Variants in GDF1 observed in about 807,000 individuals in gnomAD.
The protein encoded by GDF1 is growth differentiation factor 1.
GDF1 carries 8 observed loss-of-function variants against 7.4 expected under a neutral mutation model. That is an observed-to-expected ratio of 1.09 (90% CI 0.64 to 1.96). GDF1 has a LOEUF of 1.96. Ranked by LOEUF, GDF1 falls within the 30% of genes most tolerant of loss-of-function variation. GDF1 has a pLI of 0.00. For synonymous variants in GDF1, 311 were observed against 276.7 expected (o/e 1.12, Z -1.23); for missense variants, 574 against 551.5 (o/e 1.04, Z -0.41).
chr19:18,868,777 C>T lies in GDF1; in HGVS notation c.939G>A (p.Pro313=). The change falls in exon 8 of 8, where the codon CCG becomes CCA. Residue 313 remains proline, a synonymous_variant. Transcript: ENST00000247005. ...CGCGCAGCACAGCGTGGTTGAGCGC[C>T]GGCGGCCCCCCGGACCCCGACAGCG... ...PVALSGSGGP[P]ALNHAVLRAL... The T allele has an allele frequency of 6.8e-7, 1 of 1,468,258 alleles. No homozygotes were observed. The highest frequency in any genetic ancestry group is 1.2e-5 in the South Asian group (1 of 80,188). The allele number at this position is 1,468,258 out of a possible 1,614,324, so 91.0% of individuals were successfully genotyped here. A position where few individuals can be genotyped will look rare whatever the true frequency, so the allele number is the denominator to read the frequency against.
In GDF1 at chr19:18,884,232, C is replaced by T; in HGVS notation, c.-878G>A. On this transcript the variant is annotated 5_prime_UTR_variant, in exon 3 of 8. Transcript: ENST00000247005. Reference sequence around the variant, plus strand: ...CTTCCCTGGAGCAGGTAGGCGGCTGCAATGTCCCGTGGCACTGCCATGCCC... The same window carrying T: ...CTTCCCTGGAGCAGGTAGGCGGCTGTAATGTCCCGTGGCACTGCCATGCCC... 1 of 1,613,310 alleles carries T rather than the reference C, an allele frequency of 6.2e-7. No homozygotes were observed. Among genetic ancestry groups the T allele is most frequent in the East Asian group, 2.2e-5 (1 of 44,856 alleles).
At chr19:18,880,501 G>A (rs1234588575) in intron 3 of GDF1, 66 bp from the exon 4 acceptor site, 8 of 1,446,526 alleles carry the variant, frequency 5.5e-6, no homozygotes, top group Non-Finnish European at 7.4e-6. Flanking sequence ...CTGCACTAAG[G>A]CCCCCAGCAG....
At position 18,870,893 on chromosome 19, in the gene GDF1, C is replaced by T. The variant is rs892732129; in HGVS notation, c.-312-274G>A. ...TCTCCAATTAAACCTTCCTCTTCCC[C>T]TCCTCCCTGCCTCTCCAGGCCGCTG... On this transcript the variant is annotated intron_variant, in intron 6 of 7. Transcript: ENST00000247005. The surrounding 1 kb of genome is among the most constrained non-coding windows in gnomAD (Gnocchi z 5.1). Among the ~76,000 whole-genome samples the T allele has an allele frequency of 3.3e-5, 5 of 152,096 alleles. No homozygotes were observed. The highest frequency in any genetic ancestry group is 1.2e-4 in the African/African-American group (5 of 41,414).
rs2056136760 is a variant in GDF1 at position 18,879,358 on chromosome 19, G to A, written c.-540C>T. ...AGTGACTGGTGGCATACAGGACCTT[G>A]AGCGGGAACCAGTAGAGGCGGAACC... is the stretch of plus-strand genomic sequence containing the variant. On this transcript the variant is annotated 5_prime_UTR_variant, in exon 5 of 8. Coordinates refer to ENST00000247005, the MANE Select transcript of GDF1 (RefSeq NM_001492.6). 2 of 1,588,192 alleles carry A rather than the reference G, an allele frequency of 1.3e-6. No individual in the cohort carries two copies. Among genetic ancestry groups the A allele is most frequent in the East Asian group, 2.3e-5 (1 of 43,520 alleles).
chr19:18,870,031 C>A lies in GDF1; in HGVS notation c.277G>T (p.Glu93Ter). 6.3e-7 allele frequency: 1 copy of A among 1,596,884 alleles called. No individual in the cohort carries two copies. The highest frequency in any genetic ancestry group is 2.3e-5 in the East Asian group (1 of 43,968). ...PGVTLQPCHV[E>*]ELGVAGNIVR... The stretch of plus-strand genomic sequence containing the variant: ...ATGTTTCCGGCGACCCCCAGCTCCT[C>A]CACGTGGCACGGTTGCAGGGTGACC... The change falls in exon 7 of 8, where the codon GAG becomes TAG. Residue 93 changes from glutamate to a stop codon, truncating the protein, a stop_gained. Transcript: ENST00000247005. LOFTEE classifies it low-confidence loss of function (END_TRUNC). The surrounding 1 kb of genome is among the most constrained non-coding windows in gnomAD (Gnocchi z 5.1).
intron 2 of GDF1, among the ~76,000 whole-genome samples, chr19:18,890,491 A>G (rs1008765911): frequency 2.0e-5 from 3 of 152,152 alleles, no homozygotes; most frequent in African/African-American, 7.2e-5. Flanking sequence ...ACAAAAAGCA[A>G]CTAAGGCTGG....
Position 18,868,875 on chromosome 19 carries a change from A to C in GDF1, c.841T>G (p.Trp281Gly). 7 of 1,435,862 alleles carry C rather than the reference A, an allele frequency of 4.9e-6. No homozygotes were observed. The highest frequency in any genetic ancestry group is 6.4e-6 in the Non-Finnish European group (7 of 1,087,300). 88.9% of individuals were successfully genotyped at this position (1,435,862 alleles called of 1,614,324 possible). ...CGCGGCGCGATGACCCAGCGGTGCC[A>C]GCCCACCTCGCGGAAGCTCACGTAC... ...RLYVSFREVG[W>G]HRWVIAPRGF... is the part of the protein sequence containing the mutation. Residue 281 changes from tryptophan to glycine, a missense_variant, in exon 8 of 8, where the codon TGG becomes GGG. Physicochemically the swap from Trp to Gly is radical, Grantham distance 184 (BLOSUM62 -2). Coordinates refer to ENST00000247005, the MANE Select transcript of GDF1 (RefSeq NM_001492.6).
At chr19:18,886,485 A>G (rs1371104099) in intron 2 of GDF1, among the ~76,000 whole-genome samples, 20 of 152,048 alleles carry the variant, frequency 1.3e-4, no homozygotes, top group Admixed American at 6.6e-5. Flanking sequence ...GAAGGGAGGC[A>G]GAGGTGGTGG....
intron 7 of GDF1, among the ~76,000 whole-genome samples, chr19:18,869,613 G>A (rs1275171584): frequency 6.6e-6 from 1 of 151,188 alleles, no homozygotes; most frequent in East Asian, 2.0e-4. Context: ...CCTCGGCGGG[G>A]GGCATAGGAG....
rs968691003 is a variant in GDF1, at chr19:18,896,080, G to A, written c.-1330C>T. ...GGGCCCCGCCGCCGCCATACCGCCC[G>A]CTCGCCCGCCGTGCCCGTCGCCTGC... On this transcript the variant is annotated 5_prime_UTR_variant, in exon 1 of 8. Coordinates refer to ENST00000247005, the MANE Select transcript of GDF1 (RefSeq NM_001492.6). This position sits in a 1 kb window ranked among gnomAD's most constrained non-coding sequence, Gnocchi z 5.9. 10 of 955,930 alleles carry A rather than the reference G, an allele frequency of 1.0e-5. No homozygotes were observed. The highest frequency in any genetic ancestry group is 1.1e-5 in the Non-Finnish European group (9 of 805,506). 59.2% of individuals were successfully genotyped at this position (955,930 alleles called of 1,614,324 possible). A position where few individuals can be genotyped will look rare whatever the true frequency, so the allele number is the denominator to read the frequency against.
At chr19:18,877,996 G>T (rs569295030) in intron 6 of GDF1, 72 of 985,366 alleles carry the variant, frequency 7.3e-5, no homozygotes, top group Middle Eastern at 5.2e-4. Flanking sequence ...AGGGTGGGGG[G>T]TCTGACGCTC....
At chr19:18,875,234 T>TAAAA (rs869211539) in intron 6 of GDF1, among the ~76,000 whole-genome samples, 9 of 122,266 alleles carry the variant, frequency 7.4e-5, no homozygotes, top group African/African-American at 2.8e-4. Flanking sequence ...GGACCGTCTC[T>TAAAA]AAAAAAAAAA....
At position 18,869,302 on chromosome 19, in the gene GDF1, G is replaced by A. The variant is rs1047993053; in HGVS notation, c.414C>T (p.Pro138=). 3.4e-5 allele frequency: 51 copies of A among 1,516,458 alleles called. No homozygotes were observed. Among genetic ancestry groups the A allele is most frequent in the African/African-American group, 1.4e-4 (10 of 70,108 alleles). 93.9% of individuals were successfully genotyped at this position (1,516,458 alleles called of 1,614,324 possible). A position where few individuals can be genotyped will look rare whatever the true frequency, so the allele number is the denominator to read the frequency against. ...GGCGGGCCCGGCTCGGGCGCTCAGC[G>A]GGTTCCACAGCCGACAGGTCGAAGA... The part of the protein sequence containing the change: ...TVVFDLSAVE[P]AERPSRARLE... Residue 138 remains proline (P), a synonymous_variant, in exon 8 of 8, where the codon CCC becomes CCT. Transcript: ENST00000247005.
intron 4 of GDF1, among the ~76,000 whole-genome samples, chr19:18,879,641 T>TCCTCCCCTTCCCAGTC (rs2056148962): frequency 4.9e-5 from 1 of 20,546 alleles, no homozygotes; most frequent in East Asian, 1.3e-3. Context: ...AGGCCCCACC[T>TCCTCCCCTTCCCAGTC]CCTCCCCTTC....
At chr19:18,869,845 G>A in intron 7 of GDF1, 138 bp downstream of exon 7, 1 of 792,690 alleles carries the variant, frequency 1.3e-6, no homozygotes, top group Non-Finnish European at 2.1e-6. Context: ...GTGAGGTGCG[G>A]TGGCCGAAGT....
In GDF1 at chr19:18,869,387, G is replaced by C. The variant is rs766202026; in HGVS notation, c.329C>G (p.Ala110Gly). 6.5e-7 allele frequency: 1 copy of C among 1,527,878 alleles called. No individual in the cohort carries two copies. Among genetic ancestry groups the C allele is most frequent in the Non-Finnish European group, 8.7e-7 (1 of 1,143,992 alleles). The allele number at this position is 1,527,878 out of a possible 1,614,324, so 94.6% of individuals were successfully genotyped here. A position where few individuals can be genotyped will look rare whatever the true frequency, so the allele number is the denominator to read the frequency against. Residue 110 changes from alanine (A) to glycine (G), a missense_variant, in exon 8 of 8, where the codon GCG (alanine) becomes GGG (glycine). Ala to Gly is a moderately conservative substitution (Grantham distance 60). Transcript: ENST00000247005. ...GGCAGGCTCCGAGGCCCGGGTGGGC[G>C]CACCTGGGGAGGTAGGAACAGGAAC... is the stretch of plus-strand genomic sequence containing the variant. Reference protein sequence around the residue: ...NIVRHIPDRGAPTRASEPASA... With the variant: ...NIVRHIPDRGGPTRASEPASA...
chr19:18,872,586 G>C (rs1156737709), intron 6 of GDF1, among the ~76,000 whole-genome samples: 1 of 152,034 alleles, frequency 6.6e-6, no homozygotes, highest in Non-Finnish European at 1.5e-5. Context: ...CACGATCTTG[G>C]CTCACTGCAA....
Position 18,870,549 on chromosome 19 carries a change from C to A in GDF1, c.-242G>T, listed in dbSNP as rs1456781848. On this transcript the variant is annotated 5_prime_UTR_variant, in exon 7 of 8. Coordinates refer to ENST00000247005, the MANE Select transcript of GDF1 (RefSeq NM_001492.6). The surrounding 1 kb of genome is among the most constrained non-coding windows in gnomAD (Gnocchi z 5.1). ...GTGGCCGGGGTATTCGGGGTGGGGC[C>A]GGGTCCACGGGGGCGGGGCCGAGGG... 2 of 51,508 alleles carry A rather than the reference C, an allele frequency of 3.9e-5. No individual in the cohort carries two copies. The highest frequency in any genetic ancestry group is 1.0e-4 in the Non-Finnish European group (2 of 20,032). 3.2% of individuals were successfully genotyped at this position (51,508 alleles called of 1,614,324 possible). A position where few individuals can be genotyped will look rare whatever the true frequency, so the allele number is the denominator to read the frequency against.
rs1226787944 is a variant in GDF1 at position 18,878,004 on chromosome 19, C to T, written c.-313+926G>A. 5.0e-5 allele frequency: 49 copies of T among 985,414 alleles called. No individual in the cohort carries two copies. Among genetic ancestry groups the T allele is most frequent in the Non-Finnish European group, 5.9e-5 (49 of 829,988 alleles). 61.0% of individuals were successfully genotyped at this position (985,414 alleles called of 1,614,324 possible). On this transcript the variant is annotated intron_variant, in intron 6 of 7. Coordinates refer to ENST00000247005, the MANE Select transcript of GDF1 (RefSeq NM_001492.6). The surrounding 1 kb of genome is among the most constrained non-coding windows in gnomAD (Gnocchi z 4.6). ...TCCAAACAGGGTGGGGGGTCTGACGCTCCTCTGCCTGGCTACAGCCCCGGA... is the reference window on the plus strand; with the variant it reads ...TCCAAACAGGGTGGGGGGTCTGACGTTCCTCTGCCTGGCTACAGCCCCGGA...
Sources: gnomAD v4.1 joint callset for allele counts (sites outside exome capture counted in the v4.1 genomes callset) on GRCh38, gnomAD v4.1.1 for gene constraint, Gnocchi (gnomAD v3.1) non-coding constraint, MANE v1.5 for transcripts, NCBI Gene and HGNC (gene_info 2026-07-23, HGNC 2026-07-21) for gene names.